VWA3B: variants seen among roughly 807,000 people sequenced by gnomAD.
VWA3B encodes von Willebrand factor A domain-containing protein 3B.
In VWA3B, 138 loss-of-function variants were observed where a neutral mutation model predicts 158.3. That is an observed-to-expected ratio of 0.87 (90% CI 0.76 to 1.00). The LOEUF (loss-of-function observed/expected upper bound fraction) is 1.00. Among genes scored for constraint, VWA3B ranks in the 50% least tolerant of loss-of-function variants. The pLI, the probability that VWA3B is intolerant of heterozygous loss-of-function variation, is 0.00. For missense variants in VWA3B, 1,555 were observed against 1,565.1 expected (o/e 0.99, Z 0.11); for synonymous variants, 596 against 587.3 (o/e 1.01, Z -0.21).
At chr2:98,230,354 T>C (rs1685252668) in intron 16 of VWA3B, 147 bp downstream of exon 16, 2 of 822,080 alleles carry the variant, frequency 2.4e-6, no homozygotes, top group Admixed American at 3.7e-5. Flanking sequence ...AATTGTACAT[T>C]CACATGATCT....
the VWA3B span, among the ~76,000 whole-genome samples, chr2:98,321,370 C>T: frequency 6.6e-6 from 1 of 152,160 alleles, no homozygotes; most frequent in Admixed American, 6.5e-5. Flanking sequence ...AGAAGAGGGC[C>T]ACTGTTCTCC....
At chr2:98,316,154 G>C (rs1454348100), downstream of VWA3B, among the ~76,000 whole-genome samples, 1 of 152,082 alleles carries the variant, frequency 6.6e-6, no homozygotes, top group African/African-American at 2.4e-5. Flanking sequence ...AATATATATT[G>C]CTGACTCATT....
rs1012410699 is a variant in VWA3B, at chr2:98,181,269, T to C, written c.1311+57T>C. The C allele has an allele frequency of 1.1e-4, 178 of 1,577,576 alleles. 1 individual carries two copies. In the East Asian group the frequency reaches 4.0e-3, roughly 36 times the overall value. On this transcript the variant is annotated intron_variant, in intron 9 of 27. Transcript: ENST00000477737. ...GGCCTCCCCTCAAGTCCTGGGTGGGTGAGGCCTCCATCGGGTCAGAAGGCA... is the reference window on the plus strand; with the variant it reads ...GGCCTCCCCTCAAGTCCTGGGTGGGCGAGGCCTCCATCGGGTCAGAAGGCA...
chr2:98,270,549 G>A (rs1006662659), intron 21 of VWA3B, 133 bp from the exon 22 acceptor site: 2 of 888,602 alleles, frequency 2.3e-6, no homozygotes, highest in African/African-American at 3.4e-5. Flanking sequence ...TCTGACACCT[G>A]ACACTAGCTT....
At chr2:98,094,153 A>G (rs1172222659) in intron 2 of VWA3B, among the ~76,000 whole-genome samples, 2 of 152,202 alleles carry the variant, frequency 1.3e-5, no homozygotes, top group Admixed American at 6.5e-5. Context: ...TTGGATATAC[A>G]TATCCAGTAG....
intron 7 of VWA3B, among the ~76,000 whole-genome samples, chr2:98,161,621 T>C (rs780776685): frequency 3.9e-5 from 6 of 152,222 alleles, no homozygotes; most frequent in Non-Finnish European, 7.3e-5. Flanking sequence ...TAATTATAGA[T>C]TCACAGGCAG....
At chr2:98,215,365 CG>C (rs1406992517) in intron 13 of VWA3B, among the ~76,000 whole-genome samples, 1 of 149,524 alleles carries the variant, frequency 6.7e-6, no homozygotes, top group African/African-American at 2.5e-5. Context: ...GGTGTGAACC[CG>C]GGAGTTGAAG....
chr2:98,201,525 C>G (rs1682546304), intron 12 of VWA3B, among the ~76,000 whole-genome samples: 1 of 152,140 alleles, frequency 6.6e-6, no homozygotes, highest in African/African-American at 2.4e-5. Flanking sequence ...TGATGTTTAA[C>G]AGGAGTGGTG....
chr2:98,187,336 T>A (rs1443361234), intron 9 of VWA3B, among the ~76,000 whole-genome samples: 2 of 152,086 alleles, frequency 1.3e-5, no homozygotes, highest in African/African-American at 4.8e-5. Context: ...ATTCCTGGTG[T>A]CTTAGAAGGT....
intron 2 of VWA3B, among the ~76,000 whole-genome samples, chr2:98,099,021 T>A (rs916701803): frequency 6.6e-6 from 1 of 152,124 alleles, no homozygotes; most frequent in African/African-American, 2.4e-5. Flanking sequence ...TTGATATGAT[T>A]TATATCTTTT....
intron 19 of VWA3B, among the ~76,000 whole-genome samples, chr2:98,242,459 T>C (rs1170190417): frequency 6.6e-6 from 1 of 152,088 alleles, no homozygotes; most frequent in Non-Finnish European, 1.5e-5. Context: ...TAAAGCTCTT[T>C]ATTTGCTGGT....
chr2:98,268,172 C>A (rs199955962), intron 21 of VWA3B, among the ~76,000 whole-genome samples: 2 of 151,524 alleles, frequency 1.3e-5, no homozygotes, highest in Non-Finnish European at 1.5e-5. Context: ...AAGAGGGAAT[C>A]CTCCCTAACT....
intron 21 of VWA3B, among the ~76,000 whole-genome samples, chr2:98,260,701 C>T (rs1687429277): frequency 6.6e-6 from 1 of 151,702 alleles, no homozygotes; most frequent in Non-Finnish European, 1.5e-5. Context: ...ATATATGCTT[C>T]ACACATTTTA....
At chr2:98,271,030 A>T in intron 22 of VWA3B, 147 bp downstream of exon 22, 1 of 745,414 alleles carries the variant, frequency 1.3e-6, no homozygotes, top group Non-Finnish European at 2.2e-6. Flanking sequence ...AGGTCTCAGT[A>T]CTTTTTTTCA....
intron 12 of VWA3B, among the ~76,000 whole-genome samples, chr2:98,210,183 T>C: frequency 6.6e-6 from 1 of 152,146 alleles, no homozygotes; most frequent in East Asian, 1.9e-4. Context: ...GGCTTTACAG[T>C]TATGGAATTA....
chr2:98,192,045 A>G (rs745711948), intron 10 of VWA3B, among the ~76,000 whole-genome samples: 1 of 152,180 alleles, frequency 6.6e-6, no homozygotes, highest in Non-Finnish European at 1.5e-5. Flanking sequence ...GGCCTTGGTT[A>G]TTACAGAGCT....
intron 9 of VWA3B, among the ~76,000 whole-genome samples, chr2:98,187,717 C>G (rs1681219259): frequency 6.7e-6 from 1 of 148,268 alleles, no homozygotes; most frequent in African/African-American, 2.5e-5. Context: ...TTGGGGGTGT[C>G]TCTATGCTGG....
intron 2 of VWA3B, among the ~76,000 whole-genome samples, chr2:98,110,905 A>G (rs1404779610): frequency 1.3e-5 from 2 of 152,208 alleles, no homozygotes; most frequent in East Asian, 3.8e-4. Flanking sequence ...GGTTTTAAGA[A>G]GAGGAGTTCC....
intron 26 of VWA3B, among the ~76,000 whole-genome samples, chr2:98,311,151 C>T (rs556958398): frequency 6.6e-6 from 1 of 152,284 alleles, no homozygotes; most frequent in South Asian, 2.1e-4. Context: ...CCTTAACTTA[C>T]CCTGAAGGCC....
Sources: allele counts gnomAD v4.1 joint callset (sites outside exome capture counted in the v4.1 genomes callset), GRCh38; gene constraint gnomAD v4.1.1; transcripts MANE v1.5; gene names NCBI Gene and HGNC (gene_info 2026-07-23, HGNC 2026-07-21).